CACNA1A: variants seen among roughly 807,000 people sequenced by gnomAD.
CACNA1A encodes voltage-dependent P/Q-type calcium channel subunit alpha-1A.
CACNA1A carries 57 observed loss-of-function variants against 262.4 expected under a neutral mutation model. The ratio of observed to expected loss-of-function variants is 0.22; its 90% CI spans 0.18 to 0.27. The LOEUF is 0.27. Ranked by LOEUF, CACNA1A falls within the 10% of genes least tolerant of loss-of-function variation. CACNA1A has a pLI of 1.00. For missense variants in CACNA1A, 2,526 were observed against 3,562.8 expected (o/e 0.71, Z 7.41); for synonymous variants, 1,431 against 1,419.3 (o/e 1.01, Z -0.18).
rs1294567539 is a variant in CACNA1A, at chr19:13,275,677, A to T, written c.3989+173T>A. ...CCCTTCTCCTTCTTCCTCCATGGACATCATGCAAAAAGCCATCGAAGCTCT... is the reference window on the plus strand; with the variant it reads ...CCCTTCTCCTTCTTCCTCCATGGACTTCATGCAAAAAGCCATCGAAGCTCT... On this transcript the variant is annotated intron_variant, in intron 24 of 46. Coordinates refer to ENST00000360228, the MANE Select transcript of CACNA1A (RefSeq NM_001127222.2). 4 of 636,048 alleles carry T rather than the reference A, an allele frequency of 6.3e-6. No homozygotes were observed. The African/African-American group carries it at 7.2e-5, about 11-fold the overall frequency. The allele number at this position is 636,048 out of a possible 1,614,324, so 39.4% of individuals were successfully genotyped here. A position where few individuals can be genotyped will look rare whatever the true frequency, so the allele number is the denominator to read the frequency against.
intron 1 of CACNA1A, among the ~76,000 whole-genome samples, chr19:13,483,181 C>T (rs760864817): frequency 6.6e-5 from 10 of 152,000 alleles, no homozygotes; most frequent in Admixed American, 3.3e-4. Context: ...TCCTACAGGC[C>T]GGAAGTGAAG....
In CACNA1A at chr19:13,455,231, A is replaced by C. The variant is rs1023207016; in HGVS notation, c.294-19T>G. 5 of 1,501,436 alleles carry C rather than the reference A, an allele frequency of 3.3e-6. No individual in the cohort carries two copies. The African/African-American group carries it at 6.9e-5, about 21-fold the overall frequency. The allele number at this position is 1,501,436 out of a possible 1,614,324, so 93.0% of individuals were successfully genotyped here. ...AAAGGGAGTATTGGGGAATTAAGGA[A>C]AAATCTTGTTCAAAGAAAAGAAGGG... On this transcript the variant is annotated intron_variant, in intron 1 of 46. Coordinates refer to ENST00000360228, the MANE Select transcript of CACNA1A (RefSeq NM_001127222.2).
intron 22 of CACNA1A, 61 bp from the exon 23 acceptor site, chr19:13,277,189 A>G: frequency 8.4e-7 from 1 of 1,189,578 alleles, no homozygotes; most frequent in Non-Finnish European, 1.2e-6. Flanking sequence ...GAGCCCCGGT[A>G]AAACTAACGA....
In CACNA1A at chr19:13,452,961, T is replaced by C. The variant is rs749913830; in HGVS notation, c.454A>G (p.Ile152Val). 1 of 1,613,980 alleles carries C rather than the reference T, an allele frequency of 6.2e-7. No homozygotes were observed. Among genetic ancestry groups the C allele is most frequent in the Non-Finnish European group, 8.5e-7 (1 of 1,179,854 alleles). Residue 152 changes from isoleucine (I) to valine (V), a missense_variant, in exon 3 of 47, where the codon ATC (isoleucine) becomes GTC (valine). Ile to Val is a conservative substitution (Grantham distance 29). This residue lies in a region of CACNA1A where 77 missense variants were observed against 228.4 expected (regional missense o/e 0.34). Coordinates refer to ENST00000360228, the MANE Select transcript of CACNA1A (RefSeq NM_001127222.2). ...GIFCFEAGIK[I>V]IALGFAFHKG... The stretch of plus-strand genomic sequence containing the variant: ...TGGAAGGCAAACCCAAGGGCAATGA[T>C]TTTAATTCCAGCCTCGAAACAAAAA...
intron 19 of CACNA1A, among the ~76,000 whole-genome samples, chr19:13,297,109 C>G (rs143778862): frequency 1.3e-5 from 2 of 152,262 alleles, no homozygotes; most frequent in Non-Finnish European, 2.9e-5. Context: ...TTACCGAGCA[C>G]TTATTATGTG....
chr19:13,228,271 G>A (rs942782133), intron 36 of CACNA1A, among the ~76,000 whole-genome samples: 3 of 151,800 alleles, frequency 2.0e-5, no homozygotes, highest in Admixed American at 1.3e-4. Context: ...CTCTGAGGGG[G>A]CCTAGGTGGG....
chr19:13,380,732 GGTTT>G (rs576457560), intron 3 of CACNA1A, among the ~76,000 whole-genome samples: 27,178 of 136,444 alleles, frequency 0.2, 3,461 homozygotes, highest in Non-Finnish European at 0.27. Context: ...TTCATTTATT[GGTTT>G]GTTTGTTTGT....
At chr19:13,338,364 C>T (rs554906495) in intron 6 of CACNA1A, among the ~76,000 whole-genome samples, 1 of 152,198 alleles carries the variant, frequency 6.6e-6, no homozygotes, top group South Asian at 2.1e-4. Flanking sequence ...CTGTATGTAC[C>T]TTTGCCAACA....
chr19:13,213,469 T>A (rs1280041956), intron 40 of CACNA1A, among the ~76,000 whole-genome samples: 2 of 152,214 alleles, frequency 1.3e-5, no homozygotes, highest in African/African-American at 2.4e-5. Flanking sequence ...CTTTGCTGGA[T>A]GTTGCACGAT....
In CACNA1A at chr19:13,321,605, C is replaced by T. The variant is rs371358599; in HGVS notation, c.1346-4284G>A. ...TTGTAGCTCCTCGGCTACAAACCTG[C>T]CCAGCATGTTACTGTACTTAATACT... On this transcript the variant is annotated intron_variant, in intron 10 of 46. Coordinates refer to ENST00000360228, the MANE Select transcript of CACNA1A (RefSeq NM_001127222.2). Among the ~76,000 whole-genome samples the T allele has an allele frequency of 5.7e-4, 87 of 152,174 alleles. 2 individuals carry two copies. In the East Asian group the frequency reaches 0.015, roughly 26 times the overall value.
At chr19:13,245,863 G>T (rs903868596) in intron 30 of CACNA1A, among the ~76,000 whole-genome samples, 3 of 151,912 alleles carry the variant, frequency 2.0e-5, no homozygotes, top group African/African-American at 7.3e-5. Flanking sequence ...GTAGAGACGG[G>T]GTTTCACCAT....
intron 1 of CACNA1A, among the ~76,000 whole-genome samples, chr19:13,464,543 A>ATTTTTTTTTTTTTTTTTTTTTTTTTTTT (rs540418372): frequency 8.5e-5 from 11 of 128,950 alleles, no homozygotes; most frequent in African/African-American, 2.8e-4. Flanking sequence ...AACTTTTCCA[A>ATTTTTTTTTTTTTTTTTTTTTTTTTTTT]TTTTTTTTTT....
intron 38 of CACNA1A, among the ~76,000 whole-genome samples, chr19:13,222,209 T>A (rs1420434951): frequency 6.6e-6 from 1 of 151,712 alleles, no homozygotes; most frequent in Non-Finnish European, 1.5e-5. Flanking sequence ...ACCCGGCTAA[T>A]TTTTGTATTT....
intron 3 of CACNA1A, among the ~76,000 whole-genome samples, chr19:13,373,841 G>C (rs1021590227): frequency 2.9e-4 from 44 of 152,238 alleles, no homozygotes; most frequent in African/African-American, 1.0e-3. Context: ...GCTGGGTAGA[G>C]TGACATATGA....
intron 6 of CACNA1A, among the ~76,000 whole-genome samples, chr19:13,343,851 C>T (rs2058715371): frequency 6.6e-6 from 1 of 152,150 alleles, no homozygotes. Context: ...GAAGTTTACA[C>T]TTGACCTTAG....
At position 13,275,984 on chromosome 19, in the gene CACNA1A, A is replaced by C. The variant is rs775026771; in HGVS notation, c.3883-28T>G. 2.0e-6 allele frequency: 3 copies of C among 1,481,370 alleles called. No individual in the cohort carries two copies. In the South Asian group the frequency reaches 3.4e-5, roughly 17 times the overall value. The allele number at this position is 1,481,370 out of a possible 1,614,324, so 91.8% of individuals were successfully genotyped here. A position where few individuals can be genotyped will look rare whatever the true frequency, so the allele number is the denominator to read the frequency against. On this transcript the variant is annotated intron_variant, in intron 23 of 46. Coordinates refer to ENST00000360228, the MANE Select transcript of CACNA1A (RefSeq NM_001127222.2). ...GTGGGGGAGAAGAGAGGGTGCTCAG[A>C]ACCCCCACCTGATCCCCACCCTGGG...
At chr19:13,412,070 T>C (rs1420428351) in intron 3 of CACNA1A, among the ~76,000 whole-genome samples, 1 of 151,778 alleles carries the variant, frequency 6.6e-6, no homozygotes, top group East Asian at 1.9e-4. Flanking sequence ...TAAAATTAAG[T>C]CAACACAGAT....
At position 13,354,450 on chromosome 19, in the gene CACNA1A, G is replaced by A. The variant is rs57777223; in HGVS notation, c.978+5156C>T. On this transcript the variant is annotated intron_variant, in intron 6 of 46. Transcript: ENST00000360228. ...TAGCCCAAGGGAGATGGCTGGGCAC[G>A]AAGGCAGAACCCAAGAGTGCTCCAA... Among the ~76,000 whole-genome samples the A allele has an allele frequency of 7.6e-3, 1,150 of 152,282 alleles. 15 individuals carry two copies. Among genetic ancestry groups the A allele is most frequent in the African/African-American group, 0.026 (1,070 of 41,566 alleles).
Position 13,209,446 on chromosome 19 carries a change from T to C in CACNA1A, c.6392A>G (p.Lys2131Arg). Residue 2131 changes from lysine (K) to arginine (R), a missense_variant, in exon 45 of 47, where the codon AAG becomes AGG. Coordinates refer to ENST00000360228, the MANE Select transcript of CACNA1A (RefSeq NM_001127222.2). ...MKRSASVLGP[K>R]ARRLDDYSLE... ...CGAGTAATCGTCCAGGCGTCGGGCC[T>C]TGGGGCCCAGCACGGAGGCTGAACG... The C allele has an allele frequency of 7.3e-7, 1 of 1,377,158 alleles. No individual in the cohort carries two copies. The highest frequency in any genetic ancestry group is 9.4e-7 in the Non-Finnish European group (1 of 1,060,508). The allele number at this position is 1,377,158 out of a possible 1,614,324, so 85.3% of individuals were successfully genotyped here. A position where few individuals can be genotyped will look rare whatever the true frequency, so the allele number is the denominator to read the frequency against.
Sources: allele counts gnomAD v4.1 joint callset (sites outside exome capture counted in the v4.1 genomes callset), GRCh38; gene constraint gnomAD v4.1.1; regional missense constraint gnomAD v4.1.1; transcripts MANE v1.5; gene names NCBI Gene and HGNC (gene_info 2026-07-23, HGNC 2026-07-21).